ITFG1: variants seen among roughly 807,000 people sequenced by gnomAD.
ITFG1 encodes the protein T-cell immunomodulatory protein.
In ITFG1, 34 loss-of-function variants were observed where a neutral mutation model predicts 81.8. The ratio of observed to expected loss-of-function variants is 0.42; its 90% CI spans 0.32 to 0.55. The LOEUF (loss-of-function observed/expected upper bound fraction) is 0.55. Among genes scored for constraint, ITFG1 ranks in the 20% least tolerant of loss-of-function variants. The pLI is 0.17. For missense variants in ITFG1, 672 were observed against 755.4 expected, an observed-to-expected ratio of 0.89 and a Z score of 1.29; for synonymous variants, 285 against 270.6, an observed-to-expected ratio of 1.05 and a Z score of -0.52.
At chr16:47,434,060 A>C (rs1313923867) in intron 5 of ITFG1, among the ~76,000 whole-genome samples, 4 of 151,406 alleles carry the variant, frequency 2.6e-5, no homozygotes, top group Admixed American at 2.6e-4. Context: ...AAATTAACTC[A>C]AGATGGATTA....
chr16:47,454,520 A>T (rs1016508561), intron 2 of ITFG1, among the ~76,000 whole-genome samples: 1 of 152,216 alleles, frequency 6.6e-6, no homozygotes, highest in African/African-American at 2.4e-5. Flanking sequence ...TTGCCAAAGC[A>T]GTAAGCATTA....
chr16:47,183,564 G>A (rs1965164289), intron 14 of ITFG1, among the ~76,000 whole-genome samples: 1 of 152,194 alleles, frequency 6.6e-6, no homozygotes, highest in East Asian at 1.9e-4. Flanking sequence ...CAACAGACCT[G>A]CAGCTGAGGG....
At position 47,455,430 on chromosome 16, in the gene ITFG1, C is replaced by T. The variant is rs148536196; in HGVS notation, c.282-1272G>A. Among the ~76,000 whole-genome samples, 636 of 150,528 alleles carry T rather than the reference C, an allele frequency of 4.2e-3. 6 individuals carry two copies. The highest frequency in any genetic ancestry group is 0.015 in the African/African-American group (607 of 41,100). ...CCAACAACAGTATGCTAAAAGACAA[C>T]ATCAGTAAGAAAACAAAAGAAAAAC... On this transcript the variant is annotated intron_variant, in intron 2 of 17. Transcript: ENST00000320640.
At chr16:47,369,402 T>C (rs1194590578) in intron 7 of ITFG1, among the ~76,000 whole-genome samples, 1 of 152,220 alleles carries the variant, frequency 6.6e-6, no homozygotes, top group African/African-American at 2.4e-5. Flanking sequence ...ACATACTGTC[T>C]ACTTGCAGGG....
chr16:47,303,357 T>G (rs1192003203), intron 10 of ITFG1, among the ~76,000 whole-genome samples: 2 of 152,170 alleles, frequency 1.3e-5, no homozygotes, highest in African/African-American at 4.8e-5. Flanking sequence ...TGTCTTTGCT[T>G]ATGAAGAAAG....
chr16:47,185,821 G>T (rs1290056916), intron 14 of ITFG1, among the ~76,000 whole-genome samples: 1 of 152,148 alleles, frequency 6.6e-6, no homozygotes, highest in East Asian at 1.9e-4. Flanking sequence ...GAATCCAGAA[G>T]CTGGTTTTCT....
At chr16:47,177,001 C>T (rs1596785539) in intron 14 of ITFG1, among the ~76,000 whole-genome samples, 1 of 150,916 alleles carries the variant, frequency 6.6e-6, no homozygotes, top group Non-Finnish European at 1.5e-5. Flanking sequence ...CTCTGTGACC[C>T]AGGCTGGAGT....
chr16:47,383,654 C>A (rs1490818008), intron 6 of ITFG1, among the ~76,000 whole-genome samples: 1 of 152,346 alleles, frequency 6.6e-6, no homozygotes, highest in African/African-American at 2.4e-5. Flanking sequence ...GCCTGTAATC[C>A]CAACACTTTG....
intron 6 of ITFG1, among the ~76,000 whole-genome samples, chr16:47,383,772 C>T (rs945633066): frequency 1.5e-4 from 23 of 152,150 alleles, no homozygotes; most frequent in Non-Finnish European, 3.1e-4. Flanking sequence ...GGCATGGTGG[C>T]GCATGCCTGT....
intron 10 of ITFG1, among the ~76,000 whole-genome samples, chr16:47,307,706 T>G (rs967175913): frequency 2.0e-5 from 3 of 152,230 alleles, no homozygotes; most frequent in East Asian, 1.9e-4. Context: ...GTATACTGCA[T>G]GGTACTGAGT....
intron 10 of ITFG1, among the ~76,000 whole-genome samples, chr16:47,272,831 T>C (rs78963176): frequency 2.6e-5 from 4 of 151,752 alleles, no homozygotes; most frequent in Non-Finnish European, 5.9e-5. Context: ...AAACCCATGG[T>C]AAATGTTTAA....
At chr16:47,355,360 G>A (rs994441203) in intron 8 of ITFG1, among the ~76,000 whole-genome samples, 3 of 152,194 alleles carry the variant, frequency 2.0e-5, no homozygotes, top group East Asian at 3.9e-4. Flanking sequence ...TAGAAGTAGA[G>A]AGAATAGTGA....
rs775158988 is a variant in ITFG1 at position 47,158,993 on chromosome 16, G to A, written c.1662-3C>T. On this transcript the variant is annotated splice_polypyrimidine_tract_variant and splice_region_variant and intron_variant, in intron 16 of 17. Transcript: ENST00000320640. ...TAAGATACAGTTTGGCACTCCAACTGTAGATAAAAACAGAACAAATTAAAA... is the reference window on the plus strand; with the variant it reads ...TAAGATACAGTTTGGCACTCCAACTATAGATAAAAACAGAACAAATTAAAA... The A allele has an allele frequency of 3.9e-5, 55 of 1,421,732 alleles. No individual in the cohort carries two copies. In the South Asian group the frequency reaches 7.2e-4, roughly 19 times the overall value. The allele number at this position is 1,421,732 out of a possible 1,614,324, so 88.1% of individuals were successfully genotyped here.
chr16:47,197,764 G>A (rs573294157), intron 14 of ITFG1, among the ~76,000 whole-genome samples: 29 of 152,330 alleles, frequency 1.9e-4, no homozygotes, highest in Non-Finnish European at 3.1e-4. Flanking sequence ...AAGTGCCTTG[G>A]CCTGAGTAAA....
At chr16:47,365,759 C>CT (rs76973321) in intron 8 of ITFG1, 29 bp downstream of exon 8, 74,339 of 1,096,066 alleles carry the variant, frequency 0.068, 355 homozygotes, top group Non-Finnish European at 0.078. Flanking sequence ...AGGCAAAAGC[C>CT]TTTTTTTTTT....
chr16:47,185,185 C>G (rs1001386575), intron 14 of ITFG1, among the ~76,000 whole-genome samples: 1 of 152,114 alleles, frequency 6.6e-6, no homozygotes, highest in Non-Finnish European at 1.5e-5. Flanking sequence ...TAATGGGAGA[C>G]TTTAACACCC....
At position 47,457,842 on chromosome 16, in the gene ITFG1, T is replaced by C. The variant is rs143511918; in HGVS notation, c.281+1261A>G. On this transcript the variant is annotated intron_variant, in intron 2 of 17. Transcript: ENST00000320640. ...GTTCACTTCTCATATACACTCAACT[T>C]CAGTTTCTTCCCCACTCCAAGCATG... is the stretch of plus-strand genomic sequence containing the variant. Among the ~76,000 whole-genome samples, 547 of 152,278 alleles carry C rather than the reference T, an allele frequency of 3.6e-3. 5 individuals are homozygous for C. The highest frequency in any genetic ancestry group is 0.02 in the Middle Eastern group (6 of 294).
intron 10 of ITFG1, among the ~76,000 whole-genome samples, chr16:47,272,405 AT>A (rs937486136): frequency 4.0e-5 from 6 of 150,988 alleles, no homozygotes; most frequent in Non-Finnish European, 7.4e-5. Context: ...ATATGAATAC[AT>A]TTTTTTTTAA....
intron 8 of ITFG1, among the ~76,000 whole-genome samples, chr16:47,352,534 C>T (rs974465743): frequency 3.3e-5 from 5 of 152,008 alleles, no homozygotes; most frequent in African/African-American, 4.8e-5. Flanking sequence ...GTTAGAATGG[C>T]GATCATTAAA....
Sources: allele counts gnomAD v4.1 joint callset (sites outside exome capture counted in the v4.1 genomes callset), GRCh38; gene constraint gnomAD v4.1.1; transcripts MANE v1.5; gene names NCBI Gene and HGNC (gene_info 2026-07-23, HGNC 2026-07-21).